Variants in PRDM2 observed in about 807,000 individuals in gnomAD.
The protein encoded by PRDM2 is PR domain zinc finger protein 2.
PRDM2 carries 30 observed loss-of-function variants against 130.0 expected under a neutral mutation model. That is an observed-to-expected ratio of 0.23 (90% CI 0.17 to 0.31). The LOEUF (loss-of-function observed/expected upper bound fraction) is 0.31, where lower values mean the gene tolerates loss of function less well. Ranked by LOEUF, PRDM2 falls within the 10% of genes least tolerant of loss-of-function variation. The pLI is 1.00. For synonymous variants in PRDM2, 871 were observed against 782.4 expected (o/e 1.11, Z -1.89); for missense variants, 2,011 against 2,108.4 (o/e 0.95, Z 0.90).
chr1:13,750,146 G>C (rs761233651), intron 6 of PRDM2, among the ~76,000 whole-genome samples: 3 of 152,142 alleles, frequency 2.0e-5, no homozygotes, highest in Non-Finnish European at 2.9e-5. Flanking sequence ...TGATGATTTC[G>C]AACAAAAGGT....
intron 6 of PRDM2, among the ~76,000 whole-genome samples, chr1:13,751,296 G>A (rs1643830037): frequency 6.6e-6 from 1 of 152,068 alleles, no homozygotes; most frequent in South Asian, 2.1e-4. Context: ...ACTCTGGGCA[G>A]CCTATAACCC....
rs1225661746 is a variant in PRDM2, at chr1:13,780,065, G to A, written c.2270G>A (p.Ser757Asn). Reference sequence around the variant, plus strand: ...GCCCTTCGAGACTTTGGAAAGCCAAGTGATGGGAAAGCAGCATGGACCGAT... The same window carrying A: ...GCCCTTCGAGACTTTGGAAAGCCAAATGATGGGAAAGCAGCATGGACCGAT... ...SPALRDFGKPSDGKAAWTDAG... is the reference protein window; with the variant it reads ...SPALRDFGKPNDGKAAWTDAG... Residue 757 changes from serine to asparagine, a missense_variant, in exon 8 of 10, where the codon AGT (serine) becomes AAT (asparagine). This residue lies in a region of PRDM2 where 1,288 missense variants were observed against 1,237.7 expected (regional missense o/e 1.04). Transcript: ENST00000311066. 4.3e-6 allele frequency: 7 copies of A among 1,614,210 alleles called. No homozygotes were observed. In the Admixed American group the frequency reaches 5.0e-5, roughly 12 times the overall value.
chr1:13,793,834 C>A (rs368937251), intron 8 of PRDM2, among the ~76,000 whole-genome samples: 4 of 151,024 alleles, frequency 2.6e-5, no homozygotes, highest in African/African-American at 9.7e-5. Context: ...AGAAAGATAT[C>A]GCAAAAAAAA....
chr1:13,789,946 G>A (rs913459822), intron 8 of PRDM2, among the ~76,000 whole-genome samples: 2 of 152,238 alleles, frequency 1.3e-5, no homozygotes, highest in African/African-American at 4.8e-5. Context: ...GGCAGCCTCA[G>A]TGAAGGTTCT....
chr1:13,782,442 A>G lies in PRDM2; in HGVS notation c.4647A>G (p.Ser1549=), dbSNP rs1259566123. The change falls in exon 8 of 10, where the codon TCA becomes TCG. Residue 1549 remains serine (S), a synonymous_variant. Coordinates refer to ENST00000311066, the MANE Select transcript of PRDM2 (RefSeq NM_001393986.1). The stretch of plus-strand genomic sequence containing the variant: ...CCACCCAAGTCCCACTTCCCTCCTC[A>G]TCCTTCAGGTCCAAGCAGAACGTCA... ...SGPTQVPLPS[S]SFRSKQNVKF... The G allele has an allele frequency of 1.9e-6, 3 of 1,613,748 alleles. No individual in the cohort carries two copies. Among genetic ancestry groups the G allele is most frequent in the Non-Finnish European group, 2.5e-6 (3 of 1,179,996 alleles).
At chr1:13,729,634 T>G (rs1643036021) in intron 2 of PRDM2, among the ~76,000 whole-genome samples, 1 of 152,206 alleles carries the variant, frequency 6.6e-6, no homozygotes, top group Admixed American at 6.5e-5. Context: ...TTTAGCTAAT[T>G]AAAAATACCA....
intron 3 of PRDM2, among the ~76,000 whole-genome samples, chr1:13,732,506 G>T (rs937954403): frequency 2.0e-5 from 3 of 152,084 alleles, no homozygotes; most frequent in Non-Finnish European, 4.4e-5. Flanking sequence ...TACGGGTAGT[G>T]TTACATGTAA....
intron 8 of PRDM2, chr1:13,786,782 A>G (rs1644750982): frequency 7.6e-7 from 1 of 1,313,466 alleles, no homozygotes; most frequent in Admixed American, 3.6e-5. Flanking sequence ...AAGACAGGCC[A>G]GATGAACTGG....
chr1:13,776,481 C>G (rs1049400798), intron 7 of PRDM2, among the ~76,000 whole-genome samples: 1 of 152,200 alleles, frequency 6.6e-6, no homozygotes, highest in Non-Finnish European at 1.5e-5. Flanking sequence ...TTAAGAATCC[C>G]CTCTTGTCCC....
chr1:13,715,753 T>C, intron 2 of PRDM2, 139 bp downstream of exon 2: 1 of 732,222 alleles, frequency 1.4e-6, no homozygotes, highest in Non-Finnish European at 2.1e-6. Flanking sequence ...ATTAGTTCAT[T>C]GTGTTCATAC....
intron 6 of PRDM2, among the ~76,000 whole-genome samples, chr1:13,763,251 G>A (rs1470709011): frequency 6.6e-6 from 1 of 152,238 alleles, no homozygotes; most frequent in African/African-American, 2.4e-5. Flanking sequence ...TAAGAACCAA[G>A]TGCGGTGAAC....
chr1:13,742,793 T>C (rs1238839554), intron 5 of PRDM2, among the ~76,000 whole-genome samples: 2 of 152,182 alleles, frequency 1.3e-5, no homozygotes, highest in Non-Finnish European at 2.9e-5. Flanking sequence ...AAACTATCAG[T>C]AGGTATGGTG....
chr1:13,727,975 C>T (rs1158782411), intron 2 of PRDM2, among the ~76,000 whole-genome samples: 1 of 152,130 alleles, frequency 6.6e-6, no homozygotes, highest in Non-Finnish European at 1.5e-5. Context: ...CTAAGGTTCA[C>T]TTGTACATTG....
At chr1:13,804,257 C>CT (rs1645054085) in intron 8 of PRDM2, among the ~76,000 whole-genome samples, 2 of 152,302 alleles carry the variant, frequency 1.3e-5, no homozygotes, top group East Asian at 3.9e-4. Flanking sequence ...TCTGTCTCAC[C>CT]TGAAGGCACC....
intron 6 of PRDM2, among the ~76,000 whole-genome samples, chr1:13,760,932 C>G (rs1019538576): frequency 6.6e-6 from 1 of 151,940 alleles, no homozygotes; most frequent in African/African-American, 2.4e-5. Context: ...CCTTTTGCAT[C>G]GTGGAGTGAA....
chr1:13,770,434 A>G (rs1644333164), intron 6 of PRDM2: 2 of 372,120 alleles, frequency 5.4e-6, no homozygotes, highest in South Asian at 2.1e-5. Context: ...TTAATACTCT[A>G]TTTACATGTA....
intron 4 of PRDM2, among the ~76,000 whole-genome samples, chr1:13,740,742 G>A (rs1468483554): frequency 6.6e-6 from 1 of 152,226 alleles, no homozygotes; most frequent in African/African-American, 2.4e-5. Flanking sequence ...TGTCAGGCAT[G>A]TAGCATTATG....
chr1:13,725,841 G>T (rs1285945889), intron 2 of PRDM2, among the ~76,000 whole-genome samples: 2 of 152,204 alleles, frequency 1.3e-5, no homozygotes, highest in Non-Finnish European at 2.9e-5. Context: ...GGACTGTGAG[G>T]TATGAGACCC....
intron 6 of PRDM2, among the ~76,000 whole-genome samples, chr1:13,753,728 T>C (rs1211211): frequency 0.35 from 53,635 of 151,912 alleles, 9,948 homozygotes; most frequent in Admixed American, 0.5. Context: ...CTGGGCTGGC[T>C]AGGGAGCCTT....
Sources: gnomAD v4.1 joint callset for allele counts (sites outside exome capture counted in the v4.1 genomes callset) on GRCh38, gnomAD v4.1.1 for gene constraint, gnomAD v4.1.1 regional missense constraint, MANE v1.5 for transcripts, NCBI Gene and HGNC (gene_info 2026-07-23, HGNC 2026-07-21) for gene names.